The following SEC11A variants were observed in gnomAD, a reference collection of about 807,000 sequenced individuals.
SEC11A encodes SEC11 homolog A, signal peptidase complex subunit.
A neutral mutation model predicts 25.6 loss-of-function variants in SEC11A; 14 were observed. The ratio of observed to expected loss-of-function variants is 0.55; its 90% CI spans 0.36 to 0.85. The LOEUF (loss-of-function observed/expected upper bound fraction) is 0.85. Among genes scored for constraint, SEC11A ranks in the 40% least tolerant of loss-of-function variants. SEC11A has a pLI of 0.01. For missense variants in SEC11A, 153 were observed against 222.9 expected, an observed-to-expected ratio of 0.69 and a Z score of 2.00; for synonymous variants, 83 against 76.4, an observed-to-expected ratio of 1.09 and a Z score of -0.45.
chr15:84,678,928 A>G (rs1897211870), intron 4 of SEC11A, among the ~76,000 whole-genome samples: 1 of 151,872 alleles, frequency 6.6e-6, no homozygotes, highest in South Asian at 2.1e-4. Flanking sequence ...CAGGAGGCAG[A>G]GGTTGCAGTG....
intron 1 of SEC11A, chr15:84,691,942 G>T: frequency 5.1e-6 from 1 of 198,000 alleles, no homozygotes; most frequent in Non-Finnish European, 1.0e-5. Flanking sequence ...TAATCATTCA[G>T]CTTAAATTTA....
chr15:84,711,213 C>A (rs902613355), intron 1 of SEC11A, among the ~76,000 whole-genome samples: 2 of 151,852 alleles, frequency 1.3e-5, no homozygotes, highest in South Asian at 4.2e-4. Context: ...GAAACCCAGA[C>A]TCTACAAAAA....
At chr15:84,676,291 T>A (rs979450552) in intron 4 of SEC11A, among the ~76,000 whole-genome samples, 5 of 151,104 alleles carry the variant, frequency 3.3e-5, no homozygotes, top group Non-Finnish European at 7.4e-5. Context: ...ATGGTGAAAC[T>A]CCATCTCTAC....
rs368294054 is a variant in SEC11A at position 84,687,589 on chromosome 15, G to A, written c.311+36C>T. Reference sequence around the variant, plus strand: ...AAATACCACAAACACTTAAACAAAAGCACTTAGAAACAAAGATGCTATACT... The same window carrying A: ...AAATACCACAAACACTTAAACAAAAACACTTAGAAACAAAGATGCTATACT... On this transcript the variant is annotated intron_variant, in intron 3 of 5. Transcript: ENST00000268220. 8.3e-5 allele frequency: 124 copies of A among 1,500,952 alleles called. 1 individual carries two copies. Among genetic ancestry groups the A allele is most frequent in the Non-Finnish European group, 8.7e-5 (99 of 1,132,414 alleles). The allele number at this position is 1,500,952 out of a possible 1,614,324, so 93.0% of individuals were successfully genotyped here.
intron 1 of SEC11A, among the ~76,000 whole-genome samples, chr15:84,692,888 C>T (rs1897650917): frequency 6.6e-6 from 1 of 152,316 alleles, no homozygotes; most frequent in African/African-American, 2.4e-5. Flanking sequence ...CTCTGTTGCC[C>T]AGGCTGGAGT....
intron 1 of SEC11A, among the ~76,000 whole-genome samples, chr15:84,708,698 G>A (rs926657116): frequency 6.6e-6 from 1 of 151,974 alleles, no homozygotes; most frequent in Non-Finnish European, 1.5e-5. Context: ...TGAGGTGGGG[G>A]GATAGCTTGG....
intron 1 of SEC11A, among the ~76,000 whole-genome samples, chr15:84,708,128 T>C (rs1399666889): frequency 6.7e-6 from 1 of 149,320 alleles, no homozygotes; most frequent in African/African-American, 2.5e-5. Flanking sequence ...AGATAATTGC[T>C]TGAACCCAGG....
intron 4 of SEC11A, among the ~76,000 whole-genome samples, chr15:84,680,137 T>TA (rs753909923): frequency 0.07 from 9,894 of 141,316 alleles, 399 homozygotes; most frequent in African/African-American, 0.11. Context: ...CCATCTCTAC[T>TA]AAAAAAAAAA....
intron 4 of SEC11A, among the ~76,000 whole-genome samples, chr15:84,678,595 T>C (rs1051071904): frequency 6.6e-6 from 1 of 152,198 alleles, no homozygotes; most frequent in Admixed American, 6.5e-5. Flanking sequence ...ATAAATATAT[T>C]GATTTGTAAA....
At chr15:84,670,560 A>T in intron 5 of SEC11A, 165 bp downstream of exon 5, 5 of 407,068 alleles carry the variant, frequency 1.2e-5, no homozygotes, top group Admixed American at 4.6e-5. Context: ...TTTTTTTTTT[A>T]ATAGAGACGG....
rs531779142 is a variant in SEC11A, at chr15:84,689,752, C to T, written c.161+1783G>A. 3.3e-5 allele frequency among the ~76,000 whole-genome samples: 5 copies of T among 151,990 alleles called. No individual in the cohort carries two copies. The East Asian group carries it at 7.8e-4, about 24-fold the overall frequency. On this transcript the variant is annotated intron_variant, in intron 2 of 5. Transcript: ENST00000268220. ...CCTCCTGAGTAGCTGGGACTACAGG[C>T]GCCTGCCACCACGCCCAGCTAATTT... is the stretch of plus-strand genomic sequence containing the variant.
intron 2 of SEC11A, among the ~76,000 whole-genome samples, chr15:84,690,541 C>T (rs183745308): frequency 1.3e-5 from 2 of 152,088 alleles, no homozygotes; most frequent in East Asian, 3.9e-4. Flanking sequence ...CCCTTGAGAC[C>T]GGTAGGTGGA....
rs1897905528 is a variant in SEC11A, at chr15:84,700,640, A to AAAAAAAAAAT, written c.52-8997_52-8996insATTTTTTTTT. ...AAAAAAAAAAAAAAAAAAAAAAAAA[A>AAAAAAAAAAT]GGTAGGGGAAAAGTTAGCACATTAA... On this transcript the variant is annotated intron_variant, in intron 1 of 5. Coordinates refer to ENST00000268220, the MANE Select transcript of SEC11A (RefSeq NM_014300.4). Among the ~76,000 whole-genome samples, 2 of 128,216 alleles carry AAAAAAAAAAT rather than the reference A, an allele frequency of 1.6e-5. 1 individual carries two copies. The highest frequency in any genetic ancestry group is 1.7e-4 in the Admixed American group (2 of 11,624). 84.1% of individuals were successfully genotyped at this position (128,216 alleles called of 152,430 possible). A position where few individuals can be genotyped will look rare whatever the true frequency, so the allele number is the denominator to read the frequency against.
At position 84,669,903 on chromosome 15, in the gene SEC11A, T is replaced by C; in HGVS notation, c.*116A>G. On this transcript the variant is annotated 3_prime_UTR_variant, in exon 6 of 6. Transcript: ENST00000268220. Reference sequence around the variant, plus strand: ...AACATAAACTAATGCAAACCAGTGCTACCCAGAAGCACCAACACGTGTGTT... The same window carrying C: ...AACATAAACTAATGCAAACCAGTGCCACCCAGAAGCACCAACACGTGTGTT... 2 of 1,572,068 alleles carry C rather than the reference T, an allele frequency of 1.3e-6. No homozygotes were observed. The highest frequency in any genetic ancestry group is 2.3e-5 in the East Asian group (1 of 42,962).
chr15:84,696,998 C>T (rs1897786674), intron 1 of SEC11A, among the ~76,000 whole-genome samples: 1 of 141,782 alleles, frequency 7.1e-6, no homozygotes, highest in South Asian at 2.2e-4. Context: ...GCCTGGGCAA[C>T]ATAGTGAGAT....
At chr15:84,695,963 A>AT (rs1897756067) in intron 1 of SEC11A, among the ~76,000 whole-genome samples, 1 of 152,152 alleles carries the variant, frequency 6.6e-6, no homozygotes, top group Non-Finnish European at 1.5e-5. Flanking sequence ...GTTTTGGTTT[A>AT]TTTTTTTAAG....
At chr15:84,679,849 CTAATAAACGTGAGTTATTGTTAATACTAT>C (rs1897238284) in intron 4 of SEC11A, 1 of 984,538 alleles carries the variant, frequency 1.0e-6, no homozygotes, top group African/African-American at 1.6e-5. Flanking sequence ...ACAATAAGCC[CTAATAAACGTGAGTTATTGTTAATACTAT>C]TAATTACATT....
At chr15:84,713,072 T>C (rs12907808) in intron 1 of SEC11A, among the ~76,000 whole-genome samples, 30,485 of 151,666 alleles carry the variant, frequency 0.2, 3,851 homozygotes, top group Middle Eastern at 0.36. Flanking sequence ...CGGGTGCCTG[T>C]AGTCCCAGCT....
chr15:84,670,692 T>C (rs774129346), intron 5 of SEC11A, 33 bp downstream of exon 5: 6 of 1,152,912 alleles, frequency 5.2e-6, no homozygotes, highest in Non-Finnish European at 7.5e-6. Context: ...AAAGATTACA[T>C]TTTTTAATAA....
Sources: gnomAD v4.1 joint callset for allele counts (sites outside exome capture counted in the v4.1 genomes callset) on GRCh38, gnomAD v4.1.1 for gene constraint, MANE v1.5 for transcripts, NCBI Gene and HGNC (gene_info 2026-07-23, HGNC 2026-07-21) for gene names.